Variants in TFPI observed in about 807,000 individuals in gnomAD.
The protein encoded by TFPI is anti-convertin.
TFPI carries 15 observed loss-of-function variants against 34.6 expected under a neutral mutation model. The ratio of observed to expected loss-of-function variants is 0.43; its 90% confidence interval spans 0.29 to 0.67. The LOEUF (loss-of-function observed/expected upper bound fraction) is 0.67, where lower values mean the gene tolerates loss of function less well. Ranked by LOEUF, TFPI falls within the 30% of genes least tolerant of loss-of-function variation. The probability of loss-of-function intolerance (pLI) is 0.15; values close to 1 mark genes in which losing one functional copy is unlikely to be tolerated. For synonymous variants in TFPI, 105 were observed against 120.1 expected (o/e 0.87, Z 0.82); for missense variants, 301 against 364.0 (o/e 0.83, Z 1.41).
chr2:187,482,661 A>G (rs1397470246), intron 6 of TFPI, among the ~76,000 whole-genome samples: 1 of 151,992 alleles, frequency 6.6e-6, no homozygotes, highest in Non-Finnish European at 1.5e-5. Context: ...TAGGGAATTT[A>G]TTAATACCTG....
At chr2:187,512,286 A>AG (rs1686694931) in intron 1 of TFPI, among the ~76,000 whole-genome samples, 1 of 151,790 alleles carries the variant, frequency 6.6e-6, no homozygotes, top group Non-Finnish European at 1.5e-5. Context: ...TTAAAAAAAA[A>AG]AAAAAAAAAG....
chr2:187,527,682 AATAT>A (rs1295453929), intron 1 of TFPI, among the ~76,000 whole-genome samples: 1 of 152,188 alleles, frequency 6.6e-6, no homozygotes, highest in Non-Finnish European at 1.5e-5. Flanking sequence ...CTGTATGCTG[AATAT>A]ATACCACATT....
intron 3 of TFPI, among the ~76,000 whole-genome samples, chr2:187,492,440 C>T (rs1188345253): frequency 6.6e-6 from 1 of 152,158 alleles, no homozygotes; most frequent in African/African-American, 2.4e-5. Context: ...ATATGATTAT[C>T]CAATTTCTCA....
At chr2:187,506,218 G>A (rs540516239) in intron 1 of TFPI, among the ~76,000 whole-genome samples, 2 of 151,998 alleles carry the variant, frequency 1.3e-5, no homozygotes, top group East Asian at 1.9e-4. Flanking sequence ...AACACCATTT[G>A]CAGATCTCCT....
At chr2:187,524,598 C>T (rs575294958) in intron 1 of TFPI, among the ~76,000 whole-genome samples, 32 of 151,986 alleles carry the variant, frequency 2.1e-4, no homozygotes, top group Admixed American at 1.7e-3. Context: ...TAAAATTAGG[C>T]GGCAGTACAG....
intron 6 of TFPI, among the ~76,000 whole-genome samples, chr2:187,473,248 G>T (rs1692166752): frequency 6.6e-6 from 1 of 152,072 alleles, no homozygotes; most frequent in African/African-American, 2.4e-5. Flanking sequence ...CATGCAATCA[G>T]TTGGGAGGAT....
At chr2:187,527,764 T>C (rs1271933363) in intron 1 of TFPI, among the ~76,000 whole-genome samples, 1 of 152,218 alleles carries the variant, frequency 6.6e-6, no homozygotes, top group Non-Finnish European at 1.5e-5. Flanking sequence ...TATAATGGTT[T>C]ACTATTTTCA....
At chr2:187,483,211 A>T (rs1693005577) in intron 6 of TFPI, among the ~76,000 whole-genome samples, 1 of 151,386 alleles carries the variant, frequency 6.6e-6, no homozygotes, top group Non-Finnish European at 1.5e-5. Context: ...TCTGATTCTG[A>T]TAAATGGCCA....
chr2:187,535,672 G>C (rs1408273305), intron 1 of TFPI, among the ~76,000 whole-genome samples: 1 of 152,086 alleles, frequency 6.6e-6, no homozygotes, highest in African/African-American at 2.4e-5. Context: ...GCAATTAAAA[G>C]AACTAGAGAA....
chr2:187,476,713 G>C (rs1692400803), intron 6 of TFPI, among the ~76,000 whole-genome samples: 2 of 152,124 alleles, frequency 1.3e-5, no homozygotes, highest in Non-Finnish European at 2.9e-5. Context: ...AAAAGGTAGA[G>C]AATTACACAC....
intron 5 of TFPI, 200 bp from the exon 6 acceptor site, chr2:187,484,416 GCGTAGCAGTT>G (rs1693105866): frequency 3.6e-6 from 2 of 557,888 alleles, no homozygotes; most frequent in Admixed American, 7.0e-5. Flanking sequence ...GGTCAAAAAA[GCGTAGCAGTT>G]AATGTTTAAG....
chr2:187,479,893 C>A (rs896964700), intron 6 of TFPI, among the ~76,000 whole-genome samples: 1 of 151,444 alleles, frequency 6.6e-6, no homozygotes, highest in African/African-American at 2.4e-5. Context: ...ATAAGTGATA[C>A]AAAGAAAATT....
rs948154299 is a variant in TFPI at position 187,464,394 on chromosome 2, A to G, written c.*2542T>C. 6.6e-6 allele frequency: 1 copy of G among 152,170 alleles called. No individual in the cohort carries two copies. The highest frequency in any genetic ancestry group is 2.4e-5 in the African/African-American group (1 of 41,452). 9.4% of individuals were successfully genotyped at this position (152,170 alleles called of 1,614,324 possible). On this transcript the variant is annotated 3_prime_UTR_variant, in exon 8 of 8. Coordinates refer to ENST00000233156, the MANE Select transcript of TFPI (RefSeq NM_006287.6). ...AATTCCATATACAATTCACAGTTAGATGCACTTAATTGTGGAAAATAAAGG... is the reference window on the plus strand; with the variant it reads ...AATTCCATATACAATTCACAGTTAGGTGCACTTAATTGTGGAAAATAAAGG...
Position 187,481,573 on chromosome 2 carries a change from T to C in TFPI, c.628+2551A>G, listed in dbSNP as rs187173597. Among the ~76,000 whole-genome samples, 3 of 149,606 alleles carry C rather than the reference T, an allele frequency of 2.0e-5. No homozygotes were observed. The Admixed American group carries it at 2.0e-4, about 10-fold the overall frequency. ...ATAGCTTCATTGACAATCCACCTTA[T>C]GCCATCCTTAATATCAAATGTCTCC... On this transcript the variant is annotated intron_variant, in intron 6 of 7. Transcript: ENST00000233156.
At position 187,496,951 on chromosome 2, in the gene TFPI, T is replaced by C. The variant is rs746279961; in HGVS notation, c.249A>G (p.Ile83Met). The C allele has an allele frequency of 5.1e-5, 82 of 1,613,336 alleles. No individual in the cohort carries two copies. Among genetic ancestry groups the C allele is most frequent in the Non-Finnish European group, 6.8e-5 (80 of 1,179,550 alleles). ...NIFTRQCEEF[I>M]YGGCEGNQNR... ...TCTGATTTCCTTCACATCCCCCATA[T>C]ATAAATTCTTCGCACTGTCGAGTGA... The change falls in exon 3 of 8, where the codon ATA (isoleucine) becomes ATG (methionine). Residue 83 changes from isoleucine (I) to methionine (M), a missense_variant. Coordinates refer to ENST00000233156, the MANE Select transcript of TFPI (RefSeq NM_006287.6).
At chr2:187,468,249 TTTC>T (rs542114613) in intron 6 of TFPI, among the ~76,000 whole-genome samples, 181 of 133,522 alleles carry the variant, frequency 1.4e-3, no homozygotes, top group Middle Eastern at 7.0e-3. Flanking sequence ...CTGCTGAAAA[TTTC>T]TTACAGACAC....
In TFPI at chr2:187,488,310, C is replaced by T. The variant is rs755064349; in HGVS notation, c.358+27G>A. The T allele has an allele frequency of 2.3e-5, 35 of 1,545,598 alleles. 1 individual carries two copies. The highest frequency in any genetic ancestry group is 2.9e-5 in the Non-Finnish European group (34 of 1,152,728). ...ATCTAAATGCCTTACATAAATGCTT[C>T]AAATTTACAGACAAATAAATGTTCA... On this transcript the variant is annotated intron_variant, in intron 4 of 7. Coordinates refer to ENST00000233156, the MANE Select transcript of TFPI (RefSeq NM_006287.6).
chr2:187,475,497 A>T (rs1402483109), intron 6 of TFPI, among the ~76,000 whole-genome samples: 2 of 152,208 alleles, frequency 1.3e-5, no homozygotes, highest in East Asian at 3.8e-4. Context: ...GGTCGTCATC[A>T]TCATCATTGA....
Position 187,484,144 on chromosome 2 carries a change from G to A in TFPI, c.608C>T (p.Thr203Ile). The A allele has an allele frequency of 6.2e-7, 1 of 1,612,342 alleles. No homozygotes were observed. Among genetic ancestry groups the A allele is most frequent in the Non-Finnish European group, 8.5e-7 (1 of 1,178,788 alleles). The stretch of plus-strand genomic sequence containing the variant: ...CTTACCAAAAAGGCTGGGAACCTTG[G>A]TTGATTGCGGAGTCAGGGAGTTATT... Reference protein sequence around the residue: ...AVNNSLTPQSTKVPSLFEFHG... With the variant: ...AVNNSLTPQSIKVPSLFEFHG... The change falls in exon 6 of 8, where the codon ACC (threonine) becomes ATC (isoleucine). Residue 203 changes from threonine to isoleucine, a missense_variant. By Grantham distance (89) the Thr-to-Ile change is moderately conservative (BLOSUM62 -1). Transcript: ENST00000233156.
Sources: gnomAD v4.1 joint callset for allele counts (sites outside exome capture counted in the v4.1 genomes callset) on GRCh38, gnomAD v4.1.1 for gene constraint, MANE v1.5 for transcripts, NCBI Gene and HGNC (gene_info 2026-07-23, HGNC 2026-07-21) for gene names.